TMEM132C: variants seen among roughly 807,000 people sequenced by gnomAD.
TMEM132C encodes protein phosphatase 1, regulatory subunit 152.
TMEM132C carries 29 observed loss-of-function variants against 61.4 expected under a neutral mutation model. That is an observed-to-expected ratio of 0.47 (90% CI 0.35 to 0.64). The LOEUF (loss-of-function observed/expected upper bound fraction) is 0.64. Ranked by LOEUF, TMEM132C falls within the 30% of genes least tolerant of loss-of-function variation. TMEM132C has a pLI of 0.00. For missense variants in TMEM132C, 1,408 were observed against 1,476.9 expected (o/e 0.95, Z 0.76); for synonymous variants, 656 against 633.1 (o/e 1.04, Z -0.54).
intron 2 of TMEM132C, among the ~76,000 whole-genome samples, chr12:128,470,152 G>A (rs1425426100): frequency 3.9e-5 from 6 of 152,168 alleles, no homozygotes; most frequent in East Asian, 1.9e-4. Context: ...GGAGTGGAGC[G>A]TGGATGGCAG....
intron 3 of TMEM132C, among the ~76,000 whole-genome samples, chr12:128,598,275 A>T (rs1876042383): frequency 6.6e-6 from 1 of 152,066 alleles, no homozygotes; most frequent in East Asian, 1.9e-4. Context: ...AACAATAATA[A>T]TGATACAAAA....
chr12:128,532,417 TC>T (rs1407379372), intron 2 of TMEM132C, among the ~76,000 whole-genome samples: 1 of 151,424 alleles, frequency 6.6e-6, no homozygotes, highest in Non-Finnish European at 1.5e-5. Flanking sequence ...AGCGGGTGGA[TC>T]ACCTGAGGTC....
At chr12:128,604,414 TAGATAG>T (rs1259174407) in intron 3 of TMEM132C, among the ~76,000 whole-genome samples, 5 of 118,176 alleles carry the variant, frequency 4.2e-5, no homozygotes, top group African/African-American at 1.6e-4. Flanking sequence ...GGAAGATAGA[TAGATAG>T]ATAGATAGAT....
intron 2 of TMEM132C, among the ~76,000 whole-genome samples, chr12:128,459,923 T>A (rs1870478845): frequency 6.6e-6 from 1 of 150,666 alleles, no homozygotes; most frequent in African/African-American, 2.4e-5. Context: ...TCTCTTAAAT[T>A]TATTTGAATT....
intron 2 of TMEM132C, among the ~76,000 whole-genome samples, chr12:128,470,369 G>A (rs1410925576): frequency 6.6e-6 from 1 of 152,198 alleles, no homozygotes; most frequent in Non-Finnish European, 1.5e-5. Flanking sequence ...GTGTGGCTGA[G>A]TTGACTTCCC....
chr12:128,583,046 G>GA (rs1203884486), intron 3 of TMEM132C, among the ~76,000 whole-genome samples: 2 of 152,138 alleles, frequency 1.3e-5, no homozygotes, highest in African/African-American at 4.8e-5. Context: ...AGAGAACTCA[G>GA]AAAAAGGCAT....
intron 4 of TMEM132C, among the ~76,000 whole-genome samples, chr12:128,654,649 T>C (rs1389215370): frequency 6.6e-6 from 1 of 152,194 alleles, no homozygotes; most frequent in Non-Finnish European, 1.5e-5. Flanking sequence ...ATCTCCGAGC[T>C]AACTAGGAAG....
intron 2 of TMEM132C, among the ~76,000 whole-genome samples, chr12:128,427,562 C>A (rs1454855353): frequency 6.6e-6 from 1 of 151,952 alleles, no homozygotes; most frequent in Non-Finnish European, 1.5e-5. Context: ...AGGACACTTC[C>A]CCCAGGGCTG....
Position 128,465,564 on chromosome 12 carries a change from A to G in TMEM132C, c.974+49944A>G, listed in dbSNP as rs115906913. 8.9e-3 allele frequency among the ~76,000 whole-genome samples: 1,363 copies of G among 152,298 alleles called. 18 individuals carry two copies. The highest frequency in any genetic ancestry group is 0.031 in the African/African-American group (1,301 of 41,572). On this transcript the variant is annotated intron_variant, in intron 2 of 8. Coordinates refer to ENST00000435159, the MANE Select transcript of TMEM132C (RefSeq NM_001136103.3). ...ACACTCGACATGCCTAGCACTGTCC[A>G]CAGCCAGGCGTCCACCCAGGTGACA...
At chr12:128,378,251 A>G (rs1874272385) in intron 1 of TMEM132C, among the ~76,000 whole-genome samples, 1 of 151,786 alleles carries the variant, frequency 6.6e-6, no homozygotes, top group African/African-American at 2.4e-5. Context: ...AGTAGCTGGG[A>G]CTACAGGAGC....
chr12:128,561,959 C>T (rs1874536745), intron 3 of TMEM132C, among the ~76,000 whole-genome samples: 1 of 152,060 alleles, frequency 6.6e-6, no homozygotes, highest in Non-Finnish European at 1.5e-5. Flanking sequence ...CGAGGGAGGG[C>T]AGTGGGGCAG....
intron 1 of TMEM132C, among the ~76,000 whole-genome samples, chr12:128,354,801 A>G (rs1167841417): frequency 6.6e-6 from 1 of 152,240 alleles, no homozygotes; most frequent in Non-Finnish European, 1.5e-5. Flanking sequence ...AGCCATTCAT[A>G]CAAGTTGGAG....
At position 128,523,148 on chromosome 12, in the gene TMEM132C, G is replaced by A. The variant is rs371649767; in HGVS notation, c.975-20809G>A. On this transcript the variant is annotated intron_variant, in intron 2 of 8. Transcript: ENST00000435159. ...GCGAACACCGTGCTAAGTGAAATAA[G>A]ACAGTCAGTCACACAAGAACAAATA... Among the ~76,000 whole-genome samples, 35 of 152,312 alleles carry A rather than the reference G, an allele frequency of 2.3e-4. No individual in the cohort carries two copies. The South Asian group carries it at 7.1e-3, about 31-fold the overall frequency.
intron 2 of TMEM132C, among the ~76,000 whole-genome samples, chr12:128,502,611 G>A (rs1204361246): frequency 5.3e-5 from 8 of 152,198 alleles, no homozygotes; most frequent in Non-Finnish European, 1.5e-5. Context: ...CAAAGCTAGT[G>A]TCCCCGACCA....
At chr12:128,514,828 C>G (rs1872671011) in intron 2 of TMEM132C, among the ~76,000 whole-genome samples, 1 of 152,188 alleles carries the variant, frequency 6.6e-6, no homozygotes, top group Non-Finnish European at 1.5e-5. Flanking sequence ...TAGTAGTGAA[C>G]ACAGCAGACA....
chr12:128,480,269 C>A (rs929173882), intron 2 of TMEM132C, among the ~76,000 whole-genome samples: 8 of 152,158 alleles, frequency 5.3e-5, no homozygotes, highest in African/African-American at 1.7e-4. Flanking sequence ...CCTCTTTGAC[C>A]TTTCTCCTTG....
In TMEM132C at chr12:128,630,757, G is replaced by A. The variant is rs148622241; in HGVS notation, c.1305+14422G>A. Among the ~76,000 whole-genome samples the A allele has an allele frequency of 5.9e-4, 90 of 152,276 alleles. No homozygotes were observed. The highest frequency in any genetic ancestry group is 6.8e-3 in the Middle Eastern group (2 of 294). ...AGTGAGTTATAATAATGTGTGGGCC[G>A]GGCACGGTGGCTCACGCCTGTAATC... On this transcript the variant is annotated intron_variant, in intron 4 of 8. Transcript: ENST00000435159. The surrounding 1 kb of genome is among the most constrained non-coding windows in gnomAD (Gnocchi z 4.3).
In TMEM132C at chr12:128,575,238, G is replaced by T. The variant is rs185262802; in HGVS notation, c.1121+31135G>T. 3.8e-3 allele frequency among the ~76,000 whole-genome samples: 574 copies of T among 152,274 alleles called. 4 individuals carry two copies. The highest frequency in any genetic ancestry group is 0.013 in the African/African-American group (556 of 41,548). On this transcript the variant is annotated intron_variant, in intron 3 of 8. Coordinates refer to ENST00000435159, the MANE Select transcript of TMEM132C (RefSeq NM_001136103.3). ...GTCATGCCTATAATCCCAACACTTTGGGGGGGCCAAGGCAGGCGGATCACG... is the reference window on the plus strand; with the variant it reads ...GTCATGCCTATAATCCCAACACTTTTGGGGGGCCAAGGCAGGCGGATCACG...
chr12:128,414,185 A>G (rs1051246443), intron 1 of TMEM132C, among the ~76,000 whole-genome samples: 4 of 152,154 alleles, frequency 2.6e-5, no homozygotes, highest in African/African-American at 9.7e-5. Context: ...CCAGGAGTTC[A>G]AGACCAGACT....
Sources: gnomAD v4.1 joint callset for allele counts (sites outside exome capture counted in the v4.1 genomes callset) on GRCh38, gnomAD v4.1.1 for gene constraint, Gnocchi (gnomAD v3.1) non-coding constraint, MANE v1.5 for transcripts, NCBI Gene and HGNC (gene_info 2026-07-23, HGNC 2026-07-21) for gene names.